CATSPERG: variants seen among roughly 807,000 people sequenced by gnomAD.
The protein encoded by CATSPERG is catsper channel auxiliary subunit gamma, also known as cation channel sperm-associated auxiliary subunit gamma.
In CATSPERG, 115 loss-of-function variants were observed where a neutral mutation model predicts 145.0. That is an observed-to-expected ratio of 0.79 (90% CI 0.68 to 0.93). The LOEUF is 0.93. Among genes scored for constraint, CATSPERG ranks in the 40% least tolerant of loss-of-function variants. The probability of loss-of-function intolerance (pLI) is 0.00; values close to 1 mark genes in which losing one functional copy is unlikely to be tolerated. For missense variants in CATSPERG, 1,296 were observed against 1,490.1 expected (o/e 0.87, Z 2.14); for synonymous variants, 588 against 589.0 (o/e 1.00, Z 0.02).
At chr19:38,344,273 G>A (rs61379500) in intron 5 of CATSPERG, 23 bp from the exon 6 acceptor site, 30 of 1,550,304 alleles carry the variant, frequency 1.9e-5, no homozygotes, top group Admixed American at 7.8e-5. Flanking sequence ...CCTCACCTGC[G>A]CCTATTCTGC....
rs909920734 is a variant in CATSPERG, at chr19:38,365,136, C to G, written c.2613+19C>G. The G allele has an allele frequency of 6.2e-7, 1 of 1,611,466 alleles. No homozygotes were observed. The highest frequency in any genetic ancestry group is 1.3e-5 in the African/African-American group (1 of 74,976). ...TATGCAAGTATTGGAGCTTGGGATACTGGGCCCTGGGAGGGGAAGGTTGGG... is the reference window on the plus strand; with the variant it reads ...TATGCAAGTATTGGAGCTTGGGATAGTGGGCCCTGGGAGGGGAAGGTTGGG... On this transcript the variant is annotated intron_variant, in intron 22 of 28. Coordinates refer to ENST00000409235, the MANE Select transcript of CATSPERG (RefSeq NM_021185.5).
At chr19:38,356,913 G>C (rs566733516) in intron 11 of CATSPERG, 52 bp downstream of exon 11, 11 of 1,603,508 alleles carry the variant, frequency 6.9e-6, no homozygotes, top group African/African-American at 5.3e-5. Flanking sequence ...ATCCCAGACT[G>C]TGGACTGCAT....
intron 7 of CATSPERG, among the ~76,000 whole-genome samples, chr19:38,348,299 C>A (rs1032583370): frequency 1.3e-4 from 19 of 151,906 alleles, no homozygotes; most frequent in Admixed American, 1.2e-3. Context: ...GCTGGTATTA[C>A]AGGCATGCGC....
At position 38,370,823 on chromosome 19, in the gene CATSPERG, G is replaced by A. The variant is rs1970535221; in HGVS notation, c.*31G>A. The stretch of plus-strand genomic sequence containing the variant: ...CCACCTGCCCCAGCCCCCAGTTACT[G>A]TCACGCCTCTCTTATGAGGCCCATC... On this transcript the variant is annotated 3_prime_UTR_variant, in exon 29 of 29. Coordinates refer to ENST00000409235, the MANE Select transcript of CATSPERG (RefSeq NM_021185.5). 4 of 1,605,874 alleles carry A rather than the reference G, an allele frequency of 2.5e-6. No individual in the cohort carries two copies. The highest frequency in any genetic ancestry group is 3.4e-6 in the Non-Finnish European group (4 of 1,174,252).
chr19:38,366,943 C>G, intron 22 of CATSPERG: 1 of 557,556 alleles, frequency 1.8e-6, no homozygotes, highest in Non-Finnish European at 3.2e-6. Flanking sequence ...ATCAGCCCGC[C>G]TCGGCCTCCC....
chr19:38,337,165 A>C (rs73043015), intron 1 of CATSPERG, 56 bp from the exon 2 acceptor site: 1 of 1,528,682 alleles, frequency 6.5e-7, no homozygotes, highest in South Asian at 1.2e-5. Flanking sequence ...TGGAATCTTA[A>C]AAGTGGGCTC....
At chr19:38,336,095 G>A (rs1288243985) in intron 1 of CATSPERG, 3 of 421,910 alleles carry the variant, frequency 7.1e-6, no homozygotes, top group Admixed American at 4.9e-5. Flanking sequence ...GGCGAAGGGC[G>A]GGGCGGGGCA....
At chr19:38,348,079 TCA>T (rs1163844424) in intron 7 of CATSPERG, among the ~76,000 whole-genome samples, 2 of 152,202 alleles carry the variant, frequency 1.3e-5, no homozygotes, top group Non-Finnish European at 2.9e-5. Context: ...TGGAATTTGT[TCA>T]GTTTGTGGAC....
intron 11 of CATSPERG, among the ~76,000 whole-genome samples, chr19:38,357,555 G>T (rs111765235): frequency 5.1e-4 from 77 of 151,430 alleles, no homozygotes; most frequent in African/African-American, 1.4e-3. Context: ...GGTGGCTCGT[G>T]CTTATAATCC....
chr19:38,338,726 G>C (rs1302525590), intron 3 of CATSPERG, among the ~76,000 whole-genome samples: 1 of 152,094 alleles, frequency 6.6e-6, no homozygotes, highest in African/African-American at 2.4e-5. Context: ...ACTAGCCTAG[G>C]TGAATTTGGC....
chr19:38,366,037 G>C (rs766444657), intron 22 of CATSPERG: 6 of 152,304 alleles, frequency 3.9e-5, no homozygotes, highest in Non-Finnish European at 8.8e-5. Flanking sequence ...TTGGCACAAA[G>C]GTGGCATAAG....
intron 3 of CATSPERG, among the ~76,000 whole-genome samples, chr19:38,340,671 A>G (rs2887262): frequency 0.15 from 23,002 of 151,454 alleles, 1,955 homozygotes; most frequent in South Asian, 0.21. Context: ...CCAGGCTGAA[A>G]TGCAGTGGCT....
rs1217054499 is a variant in CATSPERG at position 38,344,255 on chromosome 19, C to T, written c.597-41C>T. 2.6e-6 allele frequency: 4 copies of T among 1,544,866 alleles called. No homozygotes were observed. In the East Asian group the frequency reaches 7.3e-5, roughly 28 times the overall value. On this transcript the variant is annotated intron_variant, in intron 5 of 28. Transcript: ENST00000409235. ...CAGCTACGAGCTGTGGAACCCCTGA[C>T]ACTGGGACCTCACCTGCGCCTATTC...
At position 38,362,278 on chromosome 19, in the gene CATSPERG, C is replaced by A. The variant is rs771880227; in HGVS notation, c.2157+6C>A. On this transcript the variant is annotated splice_donor_region_variant and intron_variant, in intron 18 of 28. Coordinates refer to ENST00000409235, the MANE Select transcript of CATSPERG (RefSeq NM_021185.5). ...CGAACAACAAACAAGACCAGGTAGG[C>A]GGAGCGGATTGGGAGCCGGGAAAGG... 1.2e-4 allele frequency: 194 copies of A among 1,610,596 alleles called. No homozygotes were observed. The highest frequency in any genetic ancestry group is 1.7e-4 in the Middle Eastern group (1 of 5,880).
intron 9 of CATSPERG, among the ~76,000 whole-genome samples, chr19:38,355,364 C>G (rs1316275158): frequency 7.0e-6 from 1 of 142,240 alleles, no homozygotes; most frequent in Non-Finnish European, 1.5e-5. Flanking sequence ...CAAACAAATC[C>G]CCCAAAAAAA....
In CATSPERG at chr19:38,343,661, T is replaced by A. The variant is rs983115015; in HGVS notation, c.406T>A (p.Phe136Ile). ...VLVTFQSPVN[F>I]YRWKIEQLQI... ...GGTCACCTTCCAGTCCCCAGTCAAC[T>A]TCTACCGCTGGAAGATAGAGCAGCT... The change falls in exon 4 of 29, where the codon TTC becomes ATC. Residue 136 changes from phenylalanine (F) to isoleucine (I), a missense_variant. Coordinates refer to ENST00000409235, the MANE Select transcript of CATSPERG (RefSeq NM_021185.5). The A allele has an allele frequency of 1.7e-4, 267 of 1,551,436 alleles. No individual in the cohort carries two copies. The highest frequency in any genetic ancestry group is 2.3e-4 in the Non-Finnish European group (260 of 1,146,970).
rs1488789779 is a variant in CATSPERG, at chr19:38,369,944, G to A, written c.3021-28G>A. ...TGGCACAGACTAGGCATGGTTGGTA[G>A]CACAACTGCCTGATCTTTGGCTTGC... On this transcript the variant is annotated intron_variant, in intron 26 of 28. Transcript: ENST00000409235. The A allele has an allele frequency of 3.1e-6, 5 of 1,608,912 alleles. No individual in the cohort carries two copies. The East Asian group carries it at 8.9e-5, about 29-fold the overall frequency.
chr19:38,343,727 G>A lies in CATSPERG; in HGVS notation c.469+3G>A, dbSNP rs1337693572. 10 of 1,549,298 alleles carry A rather than the reference G, an allele frequency of 6.5e-6. No individual in the cohort carries two copies. Among genetic ancestry groups the A allele is most frequent in the Admixed American group, 5.9e-5 (3 of 50,952 alleles). On this transcript the variant is annotated splice_donor_region_variant and intron_variant, in intron 4 of 28. Coordinates refer to ENST00000409235, the MANE Select transcript of CATSPERG (RefSeq NM_021185.5). The stretch of plus-strand genomic sequence containing the variant: ...GGCTGCCCCCTTCCGCAGCAAAGGT[G>A]GGCCTGGGGGAGGCGGGAGGGATCG...
chr19:38,338,450 G>C (rs1969881983), intron 3 of CATSPERG, among the ~76,000 whole-genome samples: 1 of 152,124 alleles, frequency 6.6e-6, no homozygotes, highest in Non-Finnish European at 1.5e-5. Context: ...ACCCGGCCTT[G>C]TTCCAGGTTT....
Sources: allele counts gnomAD v4.1 joint callset (sites outside exome capture counted in the v4.1 genomes callset), GRCh38; gene constraint gnomAD v4.1.1; transcripts MANE v1.5; gene names NCBI Gene and HGNC (gene_info 2026-07-23, HGNC 2026-07-21).